The following CNTN5 variants were observed in gnomAD, a reference collection of about 807,000 sequenced individuals.
CNTN5 encodes contactin-5.
CNTN5 carries 77 observed loss-of-function variants against 129.1 expected under a neutral mutation model. The observed-to-expected ratio is 0.60, with a 90% CI of 0.50 to 0.72. The LOEUF (loss-of-function observed/expected upper bound fraction) is 0.72. Ranked by LOEUF, CNTN5 falls within the 30% of genes least tolerant of loss-of-function variation. The pLI is 0.00. For synonymous variants in CNTN5, 509 were observed against 465.6 expected (o/e 1.09, Z -1.20); for missense variants, 1,478 against 1,328.8 (o/e 1.11, Z -1.75).
At chr11:99,634,397 A>G (rs1057175991) in intron 3 of CNTN5, among the ~76,000 whole-genome samples, 1 of 152,164 alleles carries the variant, frequency 6.6e-6, no homozygotes, top group Non-Finnish European at 1.5e-5. Context: ...TGGATTTAGA[A>G]ATTCTGAAGG....
chr11:99,042,769 T>TAGGC (rs1565271600), intron 1 of CNTN5, among the ~76,000 whole-genome samples: 7 of 152,136 alleles, frequency 4.6e-5, no homozygotes, highest in African/African-American at 1.7e-4. Flanking sequence ...CGATAAATAC[T>TAGGC]TATTGAATGA....
intron 8 of CNTN5, among the ~76,000 whole-genome samples, chr11:99,989,628 A>G (rs1938925344): frequency 6.6e-6 from 1 of 152,206 alleles, no homozygotes; most frequent in African/African-American, 2.4e-5. Context: ...ACATGCATGT[A>G]ATTACAGAGA....
intron 1 of CNTN5, among the ~76,000 whole-genome samples, chr11:99,190,663 T>A (rs921223465): frequency 6.6e-6 from 1 of 151,660 alleles, no homozygotes; most frequent in East Asian, 1.9e-4. Flanking sequence ...TAAATGGGAT[T>A]GTTTTCTTGA....
rs1367872463 is a variant in CNTN5 at position 100,118,942 on chromosome 11, G to A, written c.1580+44648G>A. On this transcript the variant is annotated intron_variant, in intron 13 of 24. Transcript: ENST00000524871. ...TTACCTAGAAAAAAGTTGAAAACCT[G>A]TATCTGGCATTTTAAATTTCTACGT... 7.3e-5 allele frequency among the ~76,000 whole-genome samples: 11 copies of A among 151,634 alleles called. No homozygotes were observed. The South Asian group carries it at 1.7e-3, about 23-fold the overall frequency.
At chr11:100,320,625 C>A (rs578211380) in intron 21 of CNTN5, among the ~76,000 whole-genome samples, 1 of 152,108 alleles carries the variant, frequency 6.6e-6, no homozygotes, top group East Asian at 1.9e-4. Context: ...TCCAAAAACT[C>A]ATTGCCCAGA....
intron 1 of CNTN5, among the ~76,000 whole-genome samples, chr11:99,069,494 C>G (rs547818788): frequency 7.2e-4 from 110 of 152,210 alleles, no homozygotes; most frequent in Non-Finnish European, 1.1e-3. Context: ...ATGTCTCTCC[C>G]ATGCTGCATT....
At chr11:99,578,109 G>A (rs560158706) in intron 3 of CNTN5, among the ~76,000 whole-genome samples, 1 of 151,936 alleles carries the variant, frequency 6.6e-6, no homozygotes, top group South Asian at 2.1e-4. Context: ...ATAGTTTGCT[G>A]AGAATGATGG....
intron 2 of CNTN5, among the ~76,000 whole-genome samples, chr11:99,396,983 G>GAGAA (rs1941558371): frequency 6.6e-6 from 1 of 151,634 alleles, no homozygotes; most frequent in South Asian, 2.1e-4. Context: ...CTTTATAGAT[G>GAGAA]AGAAAATGGA....
intron 2 of CNTN5, among the ~76,000 whole-genome samples, chr11:99,451,711 T>G (rs1022831328): frequency 2.0e-5 from 3 of 152,208 alleles, no homozygotes; most frequent in African/African-American, 7.2e-5. Flanking sequence ...AATATTTTAT[T>G]TATCTTTTAA....
At chr11:99,360,090 A>G (rs1938998350) in intron 2 of CNTN5, among the ~76,000 whole-genome samples, 1 of 152,190 alleles carries the variant, frequency 6.6e-6, no homozygotes, top group Admixed American at 6.5e-5. Flanking sequence ...GAAAACCTAC[A>G]GGGCAAACAA....
intron 1 of CNTN5, among the ~76,000 whole-genome samples, chr11:99,152,484 C>A (rs1043348963): frequency 6.6e-6 from 1 of 152,080 alleles, no homozygotes; most frequent in Non-Finnish European, 1.5e-5. Flanking sequence ...TTTCTGTTTT[C>A]CATTTGCTTG....
chr11:99,845,565 G>A (rs1296736554), intron 6 of CNTN5, among the ~76,000 whole-genome samples: 5 of 151,564 alleles, frequency 3.3e-5, no homozygotes, highest in African/African-American at 1.2e-4. Context: ...GTAGAGACGG[G>A]GTTTCACCGT....
chr11:99,808,334 G>A (rs1438352830), intron 3 of CNTN5, among the ~76,000 whole-genome samples: 1 of 133,518 alleles, frequency 7.5e-6, no homozygotes, highest in East Asian at 2.3e-4. Flanking sequence ...GGACTTAAAT[G>A]TGCTGTCAGT....
At chr11:99,950,887 G>T (rs1350654483) in intron 7 of CNTN5, among the ~76,000 whole-genome samples, 1 of 152,012 alleles carries the variant, frequency 6.6e-6, no homozygotes, top group Non-Finnish European at 1.5e-5. Context: ...CTTAGAGTGA[G>T]AAGAGAAGTT....
intron 3 of CNTN5, among the ~76,000 whole-genome samples, chr11:99,584,013 G>A (rs1425460530): frequency 1.3e-5 from 2 of 152,106 alleles, no homozygotes; most frequent in African/African-American, 4.8e-5. Context: ...TTGACTGTAA[G>A]TAACAGCCAT....
chr11:99,666,194 C>T (rs1280469195), intron 3 of CNTN5, among the ~76,000 whole-genome samples: 2 of 152,144 alleles, frequency 1.3e-5, no homozygotes, highest in Admixed American at 1.3e-4. Flanking sequence ...CCTCGAACTC[C>T]TGACCTCAGG....
intron 9 of CNTN5, among the ~76,000 whole-genome samples, chr11:100,036,766 G>A (rs1260973576): frequency 6.7e-6 from 1 of 148,426 alleles, no homozygotes; most frequent in Non-Finnish European, 1.5e-5. Flanking sequence ...TTGGCTCTCT[G>A]TTTGTCTGTT....
chr11:99,855,728 A>G (rs1948012140), intron 6 of CNTN5, among the ~76,000 whole-genome samples: 1 of 152,218 alleles, frequency 6.6e-6, no homozygotes, highest in African/African-American at 2.4e-5. Context: ...TATGGAATAT[A>G]GTCAGCATTG....
At chr11:99,434,955 A>G (rs1943544055) in intron 2 of CNTN5, among the ~76,000 whole-genome samples, 1 of 152,194 alleles carries the variant, frequency 6.6e-6, no homozygotes, top group African/African-American at 2.4e-5. Context: ...ATCCAATTTT[A>G]GGATCAAATT....
Sources: allele counts gnomAD v4.1 joint callset (sites outside exome capture counted in the v4.1 genomes callset), GRCh38; gene constraint gnomAD v4.1.1; transcripts MANE v1.5; gene names NCBI Gene and HGNC (gene_info 2026-07-23, HGNC 2026-07-21).